Variants in PECAM1 observed in about 807,000 individuals in gnomAD.
PECAM1 encodes the protein platelet endothelial cell adhesion molecule.
Under a neutral mutation model 13.8 loss-of-function variants are expected in PECAM1, and 8 were observed. The observed-to-expected ratio is 0.58, with a 90% CI of 0.34 to 1.05. The LOEUF is 1.05. Among genes scored for constraint, PECAM1 ranks in the 50% least tolerant of loss-of-function variants. The pLI, the probability that PECAM1 is intolerant of heterozygous loss-of-function variation, is 0.03. For synonymous variants in PECAM1, 136 were observed against 52.6 expected, an observed-to-expected ratio of 2.58 and a Z score of -6.86; for missense variants, 304 against 141.2, an observed-to-expected ratio of 2.15 and a Z score of -5.84.
intron 14 of PECAM1, among the ~76,000 whole-genome samples, chr17:64,340,585 C>T (rs2035400828): frequency 1.3e-5 from 2 of 152,042 alleles, no homozygotes; most frequent in Admixed American, 6.6e-5. Context: ...TTCATTTCAC[C>T]AGAATTGAAT....
intron 9 of PECAM1, 121 bp from the exon 10 acceptor site, chr17:64,353,639 C>A: frequency 2.4e-6 from 1 of 408,482 alleles, no homozygotes; most frequent in Non-Finnish European, 4.5e-6. Context: ...CTTTTCTTTT[C>A]TTTTTGTTTT....
rs1555644211 is a variant in PECAM1, at chr17:64,319,906, AG to A, written c.*3909del. ...TGGCTGCAACCAATTATTATTTTAC[AG>A]AGACAGTTTAACAACCACCTGACCA... On this transcript the variant is annotated 3_prime_UTR_variant, in exon 16 of 16. Coordinates refer to ENST00000563924, the MANE Select transcript of PECAM1 (RefSeq NM_000442.5). The A allele has an allele frequency of 6.6e-6, 1 of 152,144 alleles. No homozygotes were observed. 9.4% of individuals were successfully genotyped at this position (152,144 alleles called of 1,614,324 possible). A position where few individuals can be genotyped will look rare whatever the true frequency, so the allele number is the denominator to read the frequency against.
At chr17:64,359,378 A>G (rs118192376) in intron 7 of PECAM1, among the ~76,000 whole-genome samples, 5 of 152,298 alleles carry the variant, frequency 3.3e-5, no homozygotes, top group African/African-American at 1.2e-4. Context: ...TCTCTTGAGT[A>G]TGATGAGAAT....
intron 2 of PECAM1, among the ~76,000 whole-genome samples, chr17:64,385,760 C>T (rs2036579500): frequency 6.6e-6 from 1 of 152,204 alleles, no homozygotes; most frequent in Non-Finnish European, 1.5e-5. Context: ...GACCACTGAA[C>T]TGAGCCTGCC....
chr17:64,340,565 C>G (rs1410460988), intron 14 of PECAM1, among the ~76,000 whole-genome samples: 1 of 152,056 alleles, frequency 6.6e-6, no homozygotes, highest in Non-Finnish European at 1.5e-5. Context: ...TAAAAGTTGT[C>G]ATTGTGTATT....
chr17:64,347,190 G>A (rs1259812950), intron 13 of PECAM1, among the ~76,000 whole-genome samples: 4 of 152,072 alleles, frequency 2.6e-5, no homozygotes, highest in South Asian at 2.1e-4. Context: ...GCAACATGGC[G>A]AAACCCTGTC....
chr17:64,324,016 G>T, intron 15 of PECAM1, 171 bp from the exon 16 acceptor site: 1 of 852,924 alleles, frequency 1.2e-6, no homozygotes, highest in Non-Finnish European at 2.0e-6. Flanking sequence ...AGAGGCCCAA[G>T]GAGTCCTCAG....
intron 4 of PECAM1, among the ~76,000 whole-genome samples, chr17:64,372,476 T>C (rs2036262805): frequency 6.6e-6 from 1 of 152,090 alleles, no homozygotes; most frequent in Non-Finnish European, 1.5e-5. Context: ...TCATTTGTCT[T>C]TTTATTTTAC....
chr17:64,356,645 T>A (rs2035853642), intron 7 of PECAM1, among the ~76,000 whole-genome samples: 1 of 151,986 alleles, frequency 6.6e-6, no homozygotes, highest in Non-Finnish European at 1.5e-5. Flanking sequence ...CAGCTAACTT[T>A]TTGGATTTTT....
intron 15 of PECAM1, among the ~76,000 whole-genome samples, chr17:64,326,456 C>G (rs967974159): frequency 2.0e-5 from 3 of 152,332 alleles, no homozygotes; most frequent in Non-Finnish European, 4.4e-5. Flanking sequence ...CCTCCTCTGC[C>G]AGGAGAGCCC....
intron 13 of PECAM1, among the ~76,000 whole-genome samples, chr17:64,342,975 A>G (rs1426234213): frequency 6.6e-6 from 1 of 152,152 alleles, no homozygotes; most frequent in Non-Finnish European, 1.5e-5. Context: ...GCACACACAT[A>G]CATACCCACC....
chr17:64,338,894 C>T (rs1051476723), intron 14 of PECAM1, among the ~76,000 whole-genome samples: 7 of 152,166 alleles, frequency 4.6e-5, no homozygotes, highest in Non-Finnish European at 8.8e-5. Context: ...CTAACCACCC[C>T]TTTGAGTTAC....
At position 64,370,016 on chromosome 17, in the gene PECAM1, G is replaced by C. The variant is rs964748842; in HGVS notation, c.701C>G (p.Ser234Cys). 22 of 398,540 alleles carry C rather than the reference G, an allele frequency of 5.5e-5. No individual in the cohort carries two copies. The highest frequency in any genetic ancestry group is 9.3e-5 in the Non-Finnish European group (21 of 226,100). The allele number at this position is 398,540 out of a possible 1,614,324, so 24.7% of individuals were successfully genotyped here. ...SELVTVTESF[S>C]TPKFHISPTG... ...GGGGCTGATGTGGAACTTGGGTGTA[G>C]AGAAGGATTCTGCAAGAGAGGAAGA... The change falls in exon 5 of 16, where the codon TCT (serine) becomes TGT (cysteine). Residue 234 changes from serine (S) to cysteine (C), a missense_variant. Physicochemically the swap from Ser to Cys is moderately radical, Grantham distance 112. Coordinates refer to ENST00000563924, the MANE Select transcript of PECAM1 (RefSeq NM_000442.5).
At position 64,360,582 on chromosome 17, in the gene PECAM1, CTGTGTG is replaced by C. The variant is rs10589772; in HGVS notation, c.1217-173_1217-168del. ...ATAGGACACCTATGAGACTGACAGG[CTGTGTG>C]TGTGTGTGTGTGTGTGTGTGTGTGT... On this transcript the variant is annotated intron_variant, in intron 6 of 15. Coordinates refer to ENST00000563924, the MANE Select transcript of PECAM1 (RefSeq NM_000442.5). Among the ~76,000 whole-genome samples, 1,149 of 139,458 alleles carry C rather than the reference CTGTGTG, an allele frequency of 8.2e-3. 13 individuals carry two copies. The highest frequency in any genetic ancestry group is 0.028 in the African/African-American group (1,082 of 38,058). The allele number at this position is 139,458 out of a possible 152,430, so 91.5% of individuals were successfully genotyped here.
Position 64,375,287 on chromosome 17 carries a change from C to G in PECAM1, c.455G>C (p.Cys152Ser). 1 of 475,274 alleles carries G rather than the reference C, an allele frequency of 2.1e-6. No individual in the cohort carries two copies. The highest frequency in any genetic ancestry group is 3.9e-6 in the Non-Finnish European group (1 of 259,014). 29.4% of individuals were successfully genotyped at this position (475,274 alleles called of 1,614,324 possible). Residue 152 changes from cysteine to serine, a missense_variant, in exon 4 of 16, where the codon TGT (cysteine) becomes TCT (serine). Coordinates refer to ENST00000563924, the MANE Select transcript of PECAM1 (RefSeq NM_000442.5). ...TGGGGCCTTTTCCTCTGGGACAGAA[C>G]AGTTGACCCTCACGATCCCACCTTG... ...AIQGGIVRVN[C>S]SVPEEKAPIH...
intron 10 of PECAM1, among the ~76,000 whole-genome samples, chr17:64,353,274 A>T (rs966117264): frequency 4.6e-5 from 7 of 151,298 alleles, no homozygotes; most frequent in Admixed American, 4.0e-4. Context: ...ATTCCTTCCC[A>T]TGAAAGGACA....
intron 2 of PECAM1, among the ~76,000 whole-genome samples, chr17:64,384,636 T>A (rs111221643): frequency 0.017 from 2,628 of 152,240 alleles, 75 homozygotes; most frequent in African/African-American, 0.059. Context: ...AGGAGTGAGC[T>A]TGGAAGCAGA....
At chr17:64,366,662 A>G (rs1437708494) in intron 5 of PECAM1, among the ~76,000 whole-genome samples, 2 of 152,048 alleles carry the variant, frequency 1.3e-5, no homozygotes, top group African/African-American at 2.4e-5. Flanking sequence ...CGATGAGTTC[A>G]TGTCCTTTGT....
At chr17:64,365,709 A>G (rs1454110196) in intron 5 of PECAM1, among the ~76,000 whole-genome samples, 120 of 151,046 alleles carry the variant, frequency 7.9e-4, no homozygotes, top group African/African-American at 2.8e-3. Context: ...CCTGAGAAAA[A>G]CAAGCAATGG....
Sources: allele counts gnomAD v4.1 joint callset (sites outside exome capture counted in the v4.1 genomes callset), GRCh38; gene constraint gnomAD v4.1.1; transcripts MANE v1.5; gene names NCBI Gene and HGNC (gene_info 2026-07-23, HGNC 2026-07-21).